The following RFX3 variants were observed in gnomAD, a reference collection of about 807,000 sequenced individuals.
RFX3 encodes the protein transcription factor RFX3.
RFX3 carries 14 observed loss-of-function variants against 98.6 expected under a neutral mutation model. The ratio of observed to expected loss-of-function variants is 0.14; its 90% CI spans 0.09 to 0.22. RFX3 has a LOEUF of 0.22. Among genes scored for constraint, RFX3 ranks in the 10% least tolerant of loss-of-function variants. RFX3 has a pLI of 1.00. For synonymous variants in RFX3, 383 were observed against 328.4 expected, an observed-to-expected ratio of 1.17 and a Z score of -1.80; for missense variants, 639 against 926.9, an observed-to-expected ratio of 0.69 and a Z score of 4.03.
rs1391603502 is a variant in RFX3 at position 3,505,202 on chromosome 9, A to T, written c.-9+20545T>A. ...TAAATATATATATGAATATATATTT[A>T]TATATATATGAATATATATTTATAT... On this transcript the variant is annotated intron_variant, in intron 1 of 16. Transcript: ENST00000617270. Among the ~76,000 whole-genome samples the T allele has an allele frequency of 1.9e-4, 10 of 52,024 alleles. 1 individual carries two copies. The highest frequency in any genetic ancestry group is 1.0e-3 in the African/African-American group (6 of 5,736). The allele number at this position is 52,024 out of a possible 152,430, so 34.1% of individuals were successfully genotyped here. A position where few individuals can be genotyped will look rare whatever the true frequency, so the allele number is the denominator to read the frequency against.
chr9:3,355,205 C>G lies in RFX3; in HGVS notation c.118-8441G>C, dbSNP rs112930391. On this transcript the variant is annotated intron_variant, in intron 2 of 16. Transcript: ENST00000617270. The stretch of plus-strand genomic sequence containing the variant: ...CAAATAAAAAACAAATAACAAGACA[C>G]TAGAATTAAATGCAACCATATCAAT... 2.5e-3 allele frequency among the ~76,000 whole-genome samples: 387 copies of G among 151,804 alleles called. 5 individuals carry two copies. The highest frequency in any genetic ancestry group is 8.7e-3 in the African/African-American group (363 of 41,504).
intron 5 of RFX3, among the ~76,000 whole-genome samples, chr9:3,296,536 T>C (rs1053421517): frequency 1.4e-4 from 22 of 152,106 alleles, no homozygotes; most frequent in African/African-American, 5.3e-4. Flanking sequence ...AATCAGTTTG[T>C]TTATATGTAT....
At chr9:3,416,024 C>T (rs1009384856) in intron 1 of RFX3, among the ~76,000 whole-genome samples, 5 of 152,170 alleles carry the variant, frequency 3.3e-5, no homozygotes, top group African/African-American at 7.2e-5. Context: ...ATGTGCACAA[C>T]ATGTTTCAAG....
intron 1 of RFX3, among the ~76,000 whole-genome samples, chr9:3,501,530 A>G (rs920530198): frequency 6.6e-6 from 1 of 151,796 alleles, no homozygotes; most frequent in African/African-American, 2.4e-5. Flanking sequence ...GTTGATATAC[A>G]AAAAGATACA....
intron 1 of RFX3, 40 bp from the exon 2 acceptor site, chr9:3,395,636 C>G: frequency 6.2e-7 from 1 of 1,603,282 alleles, no homozygotes; most frequent in Non-Finnish European, 8.5e-7. Flanking sequence ...TAAAATGTCA[C>G]TCCTGCATGA....
At chr9:3,381,844 T>C (rs1460521536) in intron 2 of RFX3, among the ~76,000 whole-genome samples, 1 of 152,196 alleles carries the variant, frequency 6.6e-6, no homozygotes, top group Non-Finnish European at 1.5e-5. Context: ...TAAGCGGATT[T>C]ACAAGAAACA....
chr9:3,385,754 G>A (rs142039568), intron 2 of RFX3, among the ~76,000 whole-genome samples: 5 of 151,206 alleles, frequency 3.3e-5, no homozygotes, highest in Non-Finnish European at 7.4e-5. Flanking sequence ...ACTCTGGGAC[G>A]TCCTTGGGAA....
chr9:3,461,131 A>G (rs1273091785), intron 1 of RFX3, among the ~76,000 whole-genome samples: 1 of 151,282 alleles, frequency 6.6e-6, no homozygotes, highest in Non-Finnish European at 1.5e-5. Flanking sequence ...CTAGATAGAC[A>G]AAATACATGT....
At chr9:3,337,722 G>T in intron 3 of RFX3, among the ~76,000 whole-genome samples, 1 of 152,170 alleles carries the variant, frequency 6.6e-6, no homozygotes, top group South Asian at 2.1e-4. Flanking sequence ...ACTTGTGCCT[G>T]CCTGTTTCCA....
intron 1 of RFX3, among the ~76,000 whole-genome samples, chr9:3,405,090 T>A (rs1841834045): frequency 6.6e-6 from 1 of 152,210 alleles, no homozygotes; most frequent in East Asian, 1.9e-4. Flanking sequence ...ATCTCTTTTA[T>A]CAAAAAGCTT....
At chr9:3,390,353 G>A (rs1015470081) in intron 2 of RFX3, among the ~76,000 whole-genome samples, 1 of 152,206 alleles carries the variant, frequency 6.6e-6, no homozygotes, top group African/African-American at 2.4e-5. Flanking sequence ...GGTTGGAACA[G>A]TTCGGAGAAC....
intron 7 of RFX3, among the ~76,000 whole-genome samples, chr9:3,281,620 C>A (rs1365367871): frequency 6.6e-6 from 1 of 151,690 alleles, no homozygotes; most frequent in African/African-American, 2.4e-5. Flanking sequence ...GCTTGCAACT[C>A]AATGGGTAAT....
chr9:3,341,961 C>T (rs898480283), intron 3 of RFX3, among the ~76,000 whole-genome samples: 9 of 152,138 alleles, frequency 5.9e-5, no homozygotes, highest in Middle Eastern at 3.4e-3. Flanking sequence ...CTGCAAATAT[C>T]GAAATTTCAC....
intron 1 of RFX3, among the ~76,000 whole-genome samples, chr9:3,472,280 C>T (rs924291067): frequency 7.3e-4 from 111 of 152,182 alleles, no homozygotes; most frequent in African/African-American, 2.4e-3. Flanking sequence ...TAGTGTTAAA[C>T]AGACCACAGC....
chr9:3,302,191 G>A (rs1226291368), intron 4 of RFX3, among the ~76,000 whole-genome samples: 2 of 151,740 alleles, frequency 1.3e-5, no homozygotes, highest in African/African-American at 4.8e-5. Context: ...ATATGAAGAA[G>A]TAAAATGATG....
intron 1 of RFX3, among the ~76,000 whole-genome samples, chr9:3,504,183 ATAT>A (rs1168081369): frequency 1.1e-5 from 1 of 93,748 alleles, no homozygotes; most frequent in Non-Finnish European, 1.7e-5. Context: ...TATATTATAC[ATAT>A]TATATATTAT....
At chr9:3,405,277 CTG>C (rs1356182302) in intron 1 of RFX3, among the ~76,000 whole-genome samples, 2 of 152,124 alleles carry the variant, frequency 1.3e-5, no homozygotes, top group Non-Finnish European at 2.9e-5. Flanking sequence ...CAACAACACT[CTG>C]TTTTTAAAAC....
intron 1 of RFX3, among the ~76,000 whole-genome samples, chr9:3,498,111 A>T (rs1376014648): frequency 2.6e-5 from 4 of 151,988 alleles, no homozygotes; most frequent in Non-Finnish European, 5.9e-5. Flanking sequence ...CAGGTTGTGA[A>T]TGTATCTGAA....
At chr9:3,507,876 T>C (rs549087308) in intron 1 of RFX3, among the ~76,000 whole-genome samples, 12 of 152,064 alleles carry the variant, frequency 7.9e-5, no homozygotes, top group African/African-American at 2.9e-4. Flanking sequence ...ATCCCACAGA[T>C]ACGAAATGTA....
Sources: gnomAD v4.1 joint callset for allele counts (sites outside exome capture counted in the v4.1 genomes callset) on GRCh38, gnomAD v4.1.1 for gene constraint, MANE v1.5 for transcripts, NCBI Gene and HGNC (gene_info 2026-07-23, HGNC 2026-07-21) for gene names.